Variants in SDC4 observed in about 807,000 individuals in gnomAD.
SDC4 encodes the protein syndecan-4.
A neutral mutation model predicts 20.5 loss-of-function variants in SDC4; 17 were observed. The ratio of observed to expected loss-of-function variants is 0.83; its 90% confidence interval spans 0.57 to 1.25. The LOEUF (loss-of-function observed/expected upper bound fraction) is 1.25, where lower values mean the gene tolerates loss of function less well. Ranked by LOEUF, SDC4 falls within the 50% of genes most tolerant of loss-of-function variation. The pLI, the probability that SDC4 is intolerant of heterozygous loss-of-function variation, is 0.00. For synonymous variants in SDC4, 107 were observed against 105.3 expected, an observed-to-expected ratio of 1.02 and a Z score of -0.10; for missense variants, 241 against 252.3, an observed-to-expected ratio of 0.96 and a Z score of 0.30.
In SDC4 at chr20:45,326,391, A is replaced by G. The variant is rs2145705026; in HGVS notation, c.*873T>C. On this transcript the variant is annotated 3_prime_UTR_variant, in exon 5 of 5. Transcript: ENST00000372733. ...TCTAAAGCTATAAATAGTAAAAAAAAAAAAAAAAAAAAAAAATTAATAAAA... is the reference window on the plus strand; with the variant it reads ...TCTAAAGCTATAAATAGTAAAAAAAGAAAAAAAAAAAAAAAATTAATAAAA... 1.3e-5 allele frequency: 2 copies of G among 150,310 alleles called. No individual in the cohort carries two copies. The highest frequency in any genetic ancestry group is 3.0e-5 in the Non-Finnish European group (2 of 67,480). The allele number at this position is 150,310 out of a possible 1,614,324, so 9.3% of individuals were successfully genotyped here. A position where few individuals can be genotyped will look rare whatever the true frequency, so the allele number is the denominator to read the frequency against.
chr20:45,336,285 C>T (rs558798870), intron 1 of SDC4, among the ~76,000 whole-genome samples: 2 of 152,262 alleles, frequency 1.3e-5, no homozygotes, highest in Admixed American at 6.5e-5. Flanking sequence ...TGGTGGCTTA[C>T]GCCTGTAGTC....
intron 1 of SDC4, among the ~76,000 whole-genome samples, chr20:45,343,947 G>A (rs1987993330): frequency 6.6e-6 from 1 of 152,218 alleles, no homozygotes. Flanking sequence ...AATTCATGTA[G>A]CCAGTAAGAG....
Position 45,340,537 on chromosome 20 carries a change from C to T in SDC4, c.61-4617G>A, listed in dbSNP as rs554296100. 2.0e-5 allele frequency among the ~76,000 whole-genome samples: 3 copies of T among 152,370 alleles called. No homozygotes were observed. In the South Asian group the frequency reaches 6.2e-4, roughly 32 times the overall value. On this transcript the variant is annotated intron_variant, in intron 1 of 4. Transcript: ENST00000372733. ...GGCTGGGCCAGGGCTCCAGGGCAAC[C>T]CTGTCCCTGCCTAGGAGTAAACAAA...
intron 4 of SDC4, among the ~76,000 whole-genome samples, chr20:45,329,132 G>A (rs1229540302): frequency 6.6e-6 from 1 of 152,222 alleles, no homozygotes; most frequent in Non-Finnish European, 1.5e-5. Flanking sequence ...CATTTAATAA[G>A]GCTCCTGGGT....
intron 1 of SDC4, among the ~76,000 whole-genome samples, chr20:45,343,311 T>C (rs1212387345): frequency 6.6e-6 from 1 of 152,212 alleles, no homozygotes; most frequent in African/African-American, 2.4e-5. Context: ...TTCAGAACAC[T>C]GTACCTTTTC....
chr20:45,329,093 G>A (rs866450151), intron 4 of SDC4, among the ~76,000 whole-genome samples: 27 of 152,292 alleles, frequency 1.8e-4, no homozygotes, highest in African/African-American at 6.5e-4. Context: ...CTCAATCAGG[G>A]GCACAGGAAT....
intron 1 of SDC4, among the ~76,000 whole-genome samples, chr20:45,344,417 G>C (rs1988001156): frequency 6.6e-6 from 1 of 152,192 alleles, no homozygotes; most frequent in Non-Finnish European, 1.5e-5. Flanking sequence ...GGGTGACTCA[G>C]GCAGGCTACG....
chr20:45,328,390 G>A (rs1461438354), intron 4 of SDC4, among the ~76,000 whole-genome samples: 1 of 152,282 alleles, frequency 6.6e-6, no homozygotes, highest in East Asian at 1.9e-4. Flanking sequence ...TCCACTCAAA[G>A]TGCTTAGAAC....
chr20:45,347,350 A>T (rs1309997264), intron 1 of SDC4, among the ~76,000 whole-genome samples: 1 of 152,226 alleles, frequency 6.6e-6, no homozygotes, highest in East Asian at 1.9e-4. Context: ...TGTGGGGGAC[A>T]GATTGCCTTC....
rs974664987 is a variant in SDC4 at position 45,334,034 on chromosome 20, G to A, written c.200-965C>T. On this transcript the variant is annotated intron_variant, in intron 2 of 4. Transcript: ENST00000372733. ...TTTTGAGACAGAGTCTCTCTCTGTC[G>A]CCTGGGCTGGAGTACCGTGGTGCCA... Among the ~76,000 whole-genome samples the A allele has an allele frequency of 1.8e-4, 27 of 150,008 alleles. 1 individual carries two copies. The highest frequency in any genetic ancestry group is 1.3e-3 in the Admixed American group (20 of 15,048).
At chr20:45,335,485 C>A (rs1233925747) in intron 2 of SDC4, among the ~76,000 whole-genome samples, 4 of 151,678 alleles carry the variant, frequency 2.6e-5, no homozygotes, top group Non-Finnish European at 5.9e-5. Context: ...CCTCACCCCA[C>A]CCCCACCATG....
At chr20:45,339,611 A>G (rs1217741963) in intron 1 of SDC4, among the ~76,000 whole-genome samples, 1 of 152,190 alleles carries the variant, frequency 6.6e-6, no homozygotes, top group Non-Finnish European at 1.5e-5. Flanking sequence ...GTGGTTGTGC[A>G]CGCCTGTGGT....
chr20:45,345,652 G>A (rs988580540), intron 1 of SDC4: 1 of 152,240 alleles, frequency 6.6e-6, no homozygotes, highest in Non-Finnish European at 1.5e-5. Flanking sequence ...GATAGGTGGG[G>A]GACACTTCCC....
chr20:45,332,534 C>T (rs145434948), intron 3 of SDC4, among the ~76,000 whole-genome samples: 135 of 152,262 alleles, frequency 8.9e-4, no homozygotes, highest in Non-Finnish European at 1.4e-3. Context: ...TTGACGGTGA[C>T]TATCCCTGCA....
At chr20:45,340,225 G>A (rs1418528278) in intron 1 of SDC4, among the ~76,000 whole-genome samples, 1 of 152,204 alleles carries the variant, frequency 6.6e-6, no homozygotes, top group Non-Finnish European at 1.5e-5. Context: ...GGAAAAGCAT[G>A]AGTGACTAAA....
In SDC4 at chr20:45,327,302, T is replaced by C. The variant is rs995628121; in HGVS notation, c.559A>G (p.Ile187Val). 2 of 1,614,046 alleles carry C rather than the reference T, an allele frequency of 1.2e-6. No homozygotes were observed. Among genetic ancestry groups the C allele is most frequent in the Non-Finnish European group, 8.5e-7 (1 of 1,180,032 alleles). The change falls in exon 5 of 5, where the codon ATC becomes GTC. Residue 187 changes from isoleucine (I) to valine (V), a missense_variant. Coordinates refer to ENST00000372733, the MANE Select transcript of SDC4 (RefSeq NM_002999.4). ...EGSYDLGKKPIYKKAPTNEFY... is the reference protein window; with the variant it reads ...EGSYDLGKKPVYKKAPTNEFY... ...TCATTGGTGGGGGCTTTCTTGTAGA[T>C]GGGTTTCTTGCCCAGGTCATAGCTG...
chr20:45,329,561 C>T (rs937660798), intron 4 of SDC4, among the ~76,000 whole-genome samples: 2 of 152,198 alleles, frequency 1.3e-5, no homozygotes, highest in Non-Finnish European at 2.9e-5. Context: ...GTGAGACCTT[C>T]CATCTGTCCT....
At chr20:45,333,484 C>T (rs4586697) in intron 2 of SDC4, among the ~76,000 whole-genome samples, 74,591 of 152,082 alleles carry the variant, frequency 0.49, 18,602 homozygotes, top group Admixed American at 0.57. Context: ...GCCTGGCCAA[C>T]ATAGTGAAAC....
In SDC4 at chr20:45,335,856, A is replaced by G. The variant is rs1048193297; in HGVS notation, c.125T>C (p.Leu42Pro). ...LLEGRYFSGA[L>P]PDDEDVVGPG... ...CCCCACTACATCCTCATCGTCTGGT[A>G]GGGCTCCGGAGAAGTATCGGCCTTC... is the stretch of plus-strand genomic sequence containing the variant. Residue 42 changes from leucine to proline, a missense_variant, in exon 2 of 5, where the codon CTA becomes CCA. By Grantham distance (98) the Leu-to-Pro change is moderately conservative (BLOSUM62 -3). Coordinates refer to ENST00000372733, the MANE Select transcript of SDC4 (RefSeq NM_002999.4). 12 of 1,613,898 alleles carry G rather than the reference A, an allele frequency of 7.4e-6. No homozygotes were observed. The highest frequency in any genetic ancestry group is 2.7e-5 in the African/African-American group (2 of 74,878).
Sources: gnomAD v4.1 joint callset for allele counts (sites outside exome capture counted in the v4.1 genomes callset) on GRCh38, gnomAD v4.1.1 for gene constraint, MANE v1.5 for transcripts, NCBI Gene and HGNC (gene_info 2026-07-23, HGNC 2026-07-21) for gene names.